Variants in SKIC3 observed in about 807,000 individuals in gnomAD.
SKIC3 encodes superkiller complex protein 3.
chr5:95,470,063 T>C, the SKIC3 span, among the ~76,000 whole-genome samples: 29 of 151,464 alleles, frequency 1.9e-4, no homozygotes, highest in Non-Finnish European at 3.2e-4. Flanking sequence ...TTGCAAGCTC[T>C]GCCTCCCAGG....
chr5:95,515,878 T>C, the SKIC3 span, among the ~76,000 whole-genome samples: 1 of 152,158 alleles, frequency 6.6e-6, no homozygotes, highest in African/African-American at 2.4e-5. Flanking sequence ...GCCTAATGTA[T>C]AATTGCTCAA....
chr5:95,535,375 A>G, the SKIC3 span, among the ~76,000 whole-genome samples: 2 of 127,492 alleles, frequency 1.6e-5, no homozygotes, highest in African/African-American at 3.1e-5. Flanking sequence ...CAGTGGCGCT[A>G]TCTCGGCTCA....
chr5:95,469,632 A>G, the SKIC3 span: 1 of 1,123,422 alleles, frequency 8.9e-7, no homozygotes, highest in Non-Finnish European at 1.3e-6. Context: ...CAGTTCTTCC[A>G]AAGTAGATAC....
chr5:95,511,568 C>T, the SKIC3 span, among the ~76,000 whole-genome samples: 6 of 152,164 alleles, frequency 3.9e-5, no homozygotes, highest in Non-Finnish European at 7.3e-5. Flanking sequence ...GCCACAATCC[C>T]CACAATATCT....
chr5:95,554,216 C>CAAAA, the SKIC3 span, among the ~76,000 whole-genome samples: 175 of 149,526 alleles, frequency 1.2e-3, no homozygotes, highest in African/African-American at 4.2e-3. Context: ...TTATCTTAGG[C>CAAAA]AAAAAAAAAC....
At chr5:95,551,956 T>G in the SKIC3 span, among the ~76,000 whole-genome samples, 26,718 of 151,898 alleles carry the variant, frequency 0.18, 2,668 homozygotes, top group East Asian at 0.34. Flanking sequence ...ACTAGTGTGA[T>G]AACTCAGTGT....
At chr5:95,469,969 T>C in the SKIC3 span, 8 of 1,573,458 alleles carry the variant, frequency 5.1e-6, no homozygotes, top group African/African-American at 5.6e-5. Context: ...TTGAAAAGTA[T>C]TCAATTCAAT....
At chr5:95,484,975 A>G in the SKIC3 span, 2 of 957,672 alleles carry the variant, frequency 2.1e-6, no homozygotes, top group Non-Finnish European at 3.3e-6. Flanking sequence ...TACATGTGCC[A>G]CATGTACCAT....
chr5:95,484,850 A>T, the SKIC3 span: 21 of 1,613,690 alleles, frequency 1.3e-5, no homozygotes, highest in Non-Finnish European at 1.8e-5. Flanking sequence ...CTTTAACTGT[A>T]AACAAAAAAT....
chr5:95,513,562 G>T, the SKIC3 span: 1 of 1,612,202 alleles, frequency 6.2e-7, no homozygotes, highest in South Asian at 1.1e-5. Context: ...AGAATGTTCA[G>T]ATTCTTACAT....
the SKIC3 span, among the ~76,000 whole-genome samples, chr5:95,526,530 ATGGTC>A: frequency 6.6e-6 from 1 of 151,942 alleles, no homozygotes; most frequent in East Asian, 1.9e-4. Flanking sequence ...CTAGAGTGCA[ATGGTC>A]TGATCTTGAC....
At chr5:95,512,551 G>A in the SKIC3 span, 39 of 1,613,864 alleles carry the variant, frequency 2.4e-5, no homozygotes, top group African/African-American at 3.5e-4. Context: ...GTACAGCTCT[G>A]TTTCTCTGTT....
At chr5:95,523,451 A>G in the SKIC3 span, 4 of 1,213,936 alleles carry the variant, frequency 3.3e-6, no homozygotes, top group African/African-American at 4.6e-5. Flanking sequence ...ACTGGTATAC[A>G]TCAAATTACA....
At chr5:95,541,610 T>C in the SKIC3 span, among the ~76,000 whole-genome samples, 1 of 151,898 alleles carries the variant, frequency 6.6e-6, no homozygotes, top group African/African-American at 2.4e-5. Flanking sequence ...CTGAAAATAA[T>C]GTCAAAGTTC....
At chr5:95,537,727 G>A in the SKIC3 span, among the ~76,000 whole-genome samples, 1 of 152,038 alleles carries the variant, frequency 6.6e-6, no homozygotes, top group African/African-American at 2.4e-5. Flanking sequence ...AAATATGTCT[G>A]GAATAAGAAC....
the SKIC3 span, among the ~76,000 whole-genome samples, chr5:95,550,174 A>G: frequency 6.6e-5 from 10 of 152,078 alleles, no homozygotes. Flanking sequence ...AATCAAGAAT[A>G]AAAAGTGGCA....
the SKIC3 span, among the ~76,000 whole-genome samples, chr5:95,482,903 T>C: frequency 1.7e-4 from 26 of 152,142 alleles, no homozygotes; most frequent in Admixed American, 1.5e-3. Context: ...AGTGATATCC[T>C]GAAAAATTTA....
the SKIC3 span, chr5:95,522,050 T>C: frequency 6.2e-7 from 1 of 1,613,306 alleles, no homozygotes; most frequent in Non-Finnish European, 8.5e-7. Flanking sequence ...TAAAAATAAA[T>C]TACCTTTTAA....
At chr5:95,464,797 T>A in the SKIC3 span, 3 of 769,890 alleles carry the variant, frequency 3.9e-6, no homozygotes, top group Non-Finnish European at 6.7e-6. Context: ...AACATCAAAC[T>A]ATACTAGGAA....
Sources: gnomAD v4.1 joint callset for allele counts (sites outside exome capture counted in the v4.1 genomes callset) on GRCh38, gnomAD v4.1.1 for gene constraint, MANE v1.5 for transcripts, NCBI Gene and HGNC (gene_info 2026-07-23, HGNC 2026-07-21) for gene names.